Variants in SNTB2 observed in about 807,000 individuals in gnomAD.
SNTB2 encodes beta-2-syntrophin.
A neutral mutation model predicts 46.2 loss-of-function variants in SNTB2; 34 were observed. The observed-to-expected ratio is 0.74, with a 90% CI of 0.56 to 0.98. SNTB2 has a LOEUF of 0.98. Ranked by LOEUF, SNTB2 falls within the 50% of genes least tolerant of loss-of-function variation. The pLI, the probability that SNTB2 is intolerant of heterozygous loss-of-function variation, is 0.00. For synonymous variants in SNTB2, 290 were observed against 312.6 expected (o/e 0.93, Z 0.76); for missense variants, 603 against 731.4 (o/e 0.82, Z 2.02).
At chr16:69,187,798 G>C (rs1174208240) in intron 1 of SNTB2, 52 bp downstream of exon 1, 2 of 1,332,510 alleles carry the variant, frequency 1.5e-6, no homozygotes, top group Middle Eastern at 2.7e-4. Flanking sequence ...CTGGGCTCGC[G>C]GGAGCTCACT....
intron 1 of SNTB2, among the ~76,000 whole-genome samples, chr16:69,212,989 T>A (rs1964304935): frequency 6.6e-6 from 1 of 152,366 alleles, no homozygotes; most frequent in South Asian, 2.1e-4. Flanking sequence ...GTGCTTAATA[T>A]ACTGAGTCAT....
At chr16:69,231,590 A>G (rs2152294968) in intron 1 of SNTB2, among the ~76,000 whole-genome samples, 1 of 152,378 alleles carries the variant, frequency 6.6e-6, no homozygotes. Flanking sequence ...ACTCCATCTC[A>G]AAACAAATGA....
At chr16:69,268,177 C>T (rs1465087773) in intron 3 of SNTB2, among the ~76,000 whole-genome samples, 1 of 152,076 alleles carries the variant, frequency 6.6e-6, no homozygotes, top group Non-Finnish European at 1.5e-5. Flanking sequence ...TTCTAAAATA[C>T]AATGGGCCGG....
At chr16:69,278,933 T>TGTG (rs750329569) in intron 4 of SNTB2, among the ~76,000 whole-genome samples, 9 of 148,630 alleles carry the variant, frequency 6.1e-5, no homozygotes, top group Non-Finnish European at 1.2e-4. Flanking sequence ...TGTGTGTGTG[T>TGTG]TAATAAACTC....
At chr16:69,279,626 C>T (rs1467505896) in intron 4 of SNTB2, among the ~76,000 whole-genome samples, 3 of 147,364 alleles carry the variant, frequency 2.0e-5, no homozygotes, top group Non-Finnish European at 4.5e-5. Context: ...CCCGGGTTCA[C>T]GCCATTCTCT....
intron 2 of SNTB2, among the ~76,000 whole-genome samples, chr16:69,255,047 T>G (rs1185926900): frequency 7.2e-5 from 11 of 152,200 alleles, no homozygotes; most frequent in African/African-American, 2.7e-4. Context: ...CTGTCTTTAT[T>G]GTAATTCATC....
At chr16:69,210,537 C>T (rs1363802761) in intron 1 of SNTB2, among the ~76,000 whole-genome samples, 2 of 146,300 alleles carry the variant, frequency 1.4e-5, no homozygotes, top group Non-Finnish European at 3.0e-5. Flanking sequence ...CGCGCCCGGC[C>T]ATATTATGTT....
intron 5 of SNTB2, among the ~76,000 whole-genome samples, chr16:69,294,670 T>C (rs1438050681): frequency 1.3e-5 from 2 of 149,826 alleles, no homozygotes; most frequent in East Asian, 3.9e-4. Context: ...GAGGCGGAGG[T>C]TGCAGTGAGC....
chr16:69,193,555 C>G (rs532061991), intron 1 of SNTB2, among the ~76,000 whole-genome samples: 1 of 152,054 alleles, frequency 6.6e-6, no homozygotes, highest in South Asian at 2.1e-4. Flanking sequence ...TCTCAAACTC[C>G]TGACCTCAGG....
chr16:69,276,037 A>G (rs929107818), intron 4 of SNTB2, among the ~76,000 whole-genome samples: 2 of 152,318 alleles, frequency 1.3e-5, no homozygotes, highest in Middle Eastern at 3.4e-3. Context: ...GTAAAGCATG[A>G]AAGTGATAAA....
intron 1 of SNTB2, among the ~76,000 whole-genome samples, chr16:69,235,004 T>G (rs1212637710): frequency 6.6e-6 from 1 of 152,130 alleles, no homozygotes; most frequent in Admixed American, 6.5e-5. Context: ...CGCCCGGCTC[T>G]CAACTTGGTT....
intron 4 of SNTB2, among the ~76,000 whole-genome samples, chr16:69,272,723 C>T (rs1964949948): frequency 1.3e-5 from 2 of 150,560 alleles, no homozygotes; most frequent in African/African-American, 4.9e-5. Context: ...GAAACCCCGT[C>T]CCTACTAAAA....
At position 69,301,685 on chromosome 16, in the gene SNTB2, A is replaced by G. The variant is rs115975790; in HGVS notation, c.*761A>G. ...GTTTTGCTTGGTTTAGGTTTTTCCA[A>G]TTTTATTTTTGTTAGGAGCCAGGGG... On this transcript the variant is annotated 3_prime_UTR_variant, in exon 7 of 7. Transcript: ENST00000336278. The G allele has an allele frequency of 3.9e-3, 600 of 152,694 alleles. 2 individuals carry two copies. Among genetic ancestry groups the G allele is most frequent in the African/African-American group, 0.013 (543 of 41,554 alleles). 9.5% of individuals were successfully genotyped at this position (152,694 alleles called of 1,614,324 possible). A position where few individuals can be genotyped will look rare whatever the true frequency, so the allele number is the denominator to read the frequency against.
At chr16:69,202,873 G>A (rs1475259494) in intron 1 of SNTB2, among the ~76,000 whole-genome samples, 1 of 152,014 alleles carries the variant, frequency 6.6e-6, no homozygotes, top group African/African-American at 2.4e-5. Context: ...AGCACGCCTG[G>A]CCACATCTGA....
At chr16:69,259,014 T>C (rs939795516) in intron 2 of SNTB2, among the ~76,000 whole-genome samples, 11 of 152,128 alleles carry the variant, frequency 7.2e-5, no homozygotes, top group African/African-American at 2.2e-4. Context: ...TCCTAAATGC[T>C]TAAAAGGGTA....
At chr16:69,224,238 GTCTTGC>G (rs1964436350) in intron 1 of SNTB2, among the ~76,000 whole-genome samples, 1 of 132,074 alleles carries the variant, frequency 7.6e-6, no homozygotes, top group African/African-American at 2.9e-5. Context: ...TTGAGACGGA[GTCTTGC>G]CCTGTTGCCC....
chr16:69,203,870 C>T (rs549742093), intron 1 of SNTB2, among the ~76,000 whole-genome samples: 6 of 151,724 alleles, frequency 4.0e-5, no homozygotes, highest in South Asian at 2.1e-4. Context: ...CAGGTTCAAG[C>T]GTTCTCCTGC....
At position 69,200,165 on chromosome 16, in the gene SNTB2, C is replaced by T. The variant is rs187640436; in HGVS notation, c.580+12419C>T. On this transcript the variant is annotated intron_variant, in intron 1 of 6. Transcript: ENST00000336278. The stretch of plus-strand genomic sequence containing the variant: ...TCCTGACCTCGTGATCCGCCTGCCT[C>T]GGCCTCCCAAAGGAGGGGGACATTT... 6.6e-5 allele frequency among the ~76,000 whole-genome samples: 10 copies of T among 152,258 alleles called. No homozygotes were observed. The East Asian group carries it at 9.7e-4, about 15-fold the overall frequency.
At chr16:69,295,110 T>A (rs1965210210) in intron 5 of SNTB2, among the ~76,000 whole-genome samples, 1 of 151,314 alleles carries the variant, frequency 6.6e-6, no homozygotes, top group South Asian at 2.1e-4. Context: ...TGTGAGCCAC[T>A]GCGCCCAGCC....
Sources: allele counts gnomAD v4.1 joint callset (sites outside exome capture counted in the v4.1 genomes callset), GRCh38; gene constraint gnomAD v4.1.1; transcripts MANE v1.5; gene names NCBI Gene and HGNC (gene_info 2026-07-23, HGNC 2026-07-21).